The following FRMPD1 variants were observed in gnomAD, a reference collection of about 807,000 sequenced individuals.
The protein encoded by FRMPD1 is FERM and PDZ domain containing 1.
A neutral mutation model predicts 117.8 loss-of-function variants in FRMPD1; 76 were observed. The ratio of observed to expected loss-of-function variants is 0.65; its 90% CI spans 0.54 to 0.78. The LOEUF is 0.78. FRMPD1 is among the 30% of genes least tolerant of loss of function. The pLI, the probability that FRMPD1 is intolerant of heterozygous loss-of-function variation, is 0.00. For missense variants in FRMPD1, 1,786 were observed against 1,964.5 expected (o/e 0.91, Z 1.72); for synonymous variants, 783 against 770.4 (o/e 1.02, Z -0.27).
chr9:37,715,720 A>G (rs978122643), intron 5 of FRMPD1: 2 of 456,110 alleles, frequency 4.4e-6, no homozygotes, highest in Non-Finnish European at 8.8e-6. Flanking sequence ...AGATGCCAAG[A>G]TATTCATGGT....
intron 14 of FRMPD1, among the ~76,000 whole-genome samples, chr9:37,739,168 C>T (rs1434217847): frequency 6.6e-6 from 1 of 152,132 alleles, no homozygotes; most frequent in Non-Finnish European, 1.5e-5. Context: ...GGTTCAGGGC[C>T]ATCCTGGGAG....
chr9:37,665,856 C>T (rs1433879877), intron 1 of FRMPD1, among the ~76,000 whole-genome samples: 1 of 152,184 alleles, frequency 6.6e-6, no homozygotes, highest in Non-Finnish European at 1.5e-5. Context: ...GAGGGCTCAG[C>T]AGTATGCACC....
At chr9:37,649,136 A>G (rs1384380387), upstream of FRMPD1, among the ~76,000 whole-genome samples, 1 of 152,232 alleles carries the variant, frequency 6.6e-6, no homozygotes, top group Non-Finnish European at 1.5e-5. Flanking sequence ...CTCACCGGAC[A>G]AGAGAATAGT....
At chr9:37,649,892 C>T (rs551360676), upstream of FRMPD1, among the ~76,000 whole-genome samples, 146 of 152,256 alleles carry the variant, frequency 9.6e-4, 1 homozygote, top group African/African-American at 3.3e-3. Flanking sequence ...GTCTTTGTTC[C>T]TGTGGTCTCA....
At chr9:37,667,229 T>C (rs375364621) in intron 1 of FRMPD1, among the ~76,000 whole-genome samples, 1 of 151,246 alleles carries the variant, frequency 6.6e-6, no homozygotes, top group South Asian at 2.1e-4. Context: ...CAAGCCCAGC[T>C]ATTTTCTTGT....
rs372848243 is a variant in FRMPD1, at chr9:37,746,401, G to A, written c.4369G>A (p.Glu1457Lys). 2.7e-5 allele frequency: 44 copies of A among 1,612,992 alleles called. No individual in the cohort carries two copies. The African/African-American group carries it at 3.1e-4, about 11-fold the overall frequency. Residue 1457 changes from glutamate to lysine, a missense_variant, in exon 16 of 16, where the codon GAA becomes AAA. Glu to Lys is a moderately conservative substitution (Grantham distance 56). Coordinates refer to ENST00000377765, the MANE Select transcript of FRMPD1 (RefSeq NM_014907.3). Reference sequence around the variant, plus strand: ...AGAGAAGTGCACCTGGCACTTTACCGAAAGCCGGAGCCGCCTCTGCATGGG... The same window carrying A: ...AGAGAAGTGCACCTGGCACTTTACCAAAAGCCGGAGCCGCCTCTGCATGGG... ...PPEKCTWHFT[E>K]SRSRLCMGSQ...
chr9:37,659,647 T>C (rs1457099763), intron 1 of FRMPD1, among the ~76,000 whole-genome samples: 1 of 152,074 alleles, frequency 6.6e-6, no homozygotes. Context: ...TAGACTGAGA[T>C]TGGCTCACTG....
chr9:37,646,629 C>T (rs78608246), upstream of FRMPD1, among the ~76,000 whole-genome samples: 4,021 of 152,282 alleles, frequency 0.026, 83 homozygotes, highest in Non-Finnish European at 0.043. Context: ...CATTTAAAAA[C>T]ACTACTCCAT....
At chr9:37,611,135 G>GT in the FRMPD1 span, among the ~76,000 whole-genome samples, 1 of 152,068 alleles carries the variant, frequency 6.6e-6, no homozygotes, top group Admixed American at 6.6e-5. Flanking sequence ...ATTTGTAATT[G>GT]TTTTTTTAGC....
Position 37,729,824 on chromosome 9 carries a change from C to T in FRMPD1, c.709C>T (p.Leu237=). The change falls in exon 8 of 16, where the codon CTG becomes TTG. Residue 237 remains leucine (L), a synonymous_variant. Transcript: ENST00000377765. The part of the protein sequence containing the change: ...EEQYSISRLH[L]LHEEELIQQV... ...GCAGTACAGCATCTCCCGGCTGCAC[C>T]TGCTGCACGAAGAGGAACTCATCCA... 2.5e-6 allele frequency: 4 copies of T among 1,613,984 alleles called. No individual in the cohort carries two copies. Among genetic ancestry groups the T allele is most frequent in the Non-Finnish European group, 2.5e-6 (3 of 1,179,962 alleles).
At chr9:37,644,059 T>C in the FRMPD1 span, among the ~76,000 whole-genome samples, 1 of 152,214 alleles carries the variant, frequency 6.6e-6, no homozygotes, top group African/African-American at 2.4e-5. Flanking sequence ...ATTTTCTCAT[T>C]TTCACAAAGG....
chr9:37,638,933 A>G, the FRMPD1 span, among the ~76,000 whole-genome samples: 1 of 152,054 alleles, frequency 6.6e-6, no homozygotes, highest in Admixed American at 6.6e-5. Context: ...AGGTTCCCCA[A>G]CTTTCTTGTT....
chr9:37,744,793 A>G lies in FRMPD1; in HGVS notation c.2761A>G (p.Met921Val), dbSNP rs776857407. 2.5e-6 allele frequency: 4 copies of G among 1,614,174 alleles called. No homozygotes were observed. Among genetic ancestry groups the G allele is most frequent in the Admixed American group, 1.7e-5 (1 of 60,032 alleles). Residue 921 changes from methionine (M) to valine (V), a missense_variant, in exon 16 of 16, where the codon ATG becomes GTG. Transcript: ENST00000377765. ...GAGCACAAACCCAGCCTCCAGGGTC[A>G]TGGAGATGGAGCCCGAGACCATGGA... ...TKSTNPASRV[M>V]EMEPETMETK... is the part of the protein sequence containing the mutation.
chr9:37,641,862 T>C, the FRMPD1 span, among the ~76,000 whole-genome samples: 11 of 152,316 alleles, frequency 7.2e-5, no homozygotes, highest in African/African-American at 2.4e-4. Context: ...ATGCCTGTAC[T>C]CTACAAGGGG....
At chr9:37,637,748 C>A in the FRMPD1 span, among the ~76,000 whole-genome samples, 1 of 152,264 alleles carries the variant, frequency 6.6e-6, no homozygotes, top group Non-Finnish European at 1.5e-5. Context: ...TATCATCTGT[C>A]CTTTCTGCCT....
intron 1 of FRMPD1, among the ~76,000 whole-genome samples, chr9:37,682,034 G>A (rs1485897274): frequency 3.3e-5 from 5 of 152,224 alleles, no homozygotes; most frequent in African/African-American, 7.2e-5. Flanking sequence ...TTTGAGCTAA[G>A]TGTTGACAGT....
At chr9:37,700,009 A>C (rs10973498) in intron 2 of FRMPD1, among the ~76,000 whole-genome samples, 102,912 of 152,118 alleles carry the variant, frequency 0.68, 35,338 homozygotes, top group East Asian at 0.94. Flanking sequence ...CAACTATAAG[A>C]AGTCTATTTA....
chr9:37,646,112 A>C (rs931191934), upstream of FRMPD1, among the ~76,000 whole-genome samples: 2 of 152,000 alleles, frequency 1.3e-5, no homozygotes, highest in Non-Finnish European at 2.9e-5. Flanking sequence ...ATTTTTAATA[A>C]CCCTCTCGCA....
chr9:37,696,852 T>C (rs1215622087), intron 2 of FRMPD1, among the ~76,000 whole-genome samples: 1 of 152,248 alleles, frequency 6.6e-6, no homozygotes, highest in African/African-American at 2.4e-5. Context: ...CTTGCTTTAC[T>C]TGTCTTTGGC....
Sources: gnomAD v4.1 joint callset for allele counts (sites outside exome capture counted in the v4.1 genomes callset) on GRCh38, gnomAD v4.1.1 for gene constraint, MANE v1.5 for transcripts, NCBI Gene and HGNC (gene_info 2026-07-23, HGNC 2026-07-21) for gene names.